PTPN1: variants seen among roughly 807,000 people sequenced by gnomAD.
The protein encoded by PTPN1 is protein tyrosine phosphatase non-receptor type 1, also known as tyrosine-protein phosphatase non-receptor type 1.
Under a neutral mutation model 59.9 loss-of-function variants are expected in PTPN1, and 12 were observed. That is an observed-to-expected ratio of 0.20 (90% CI 0.13 to 0.32). The LOEUF is 0.32. Among genes scored for constraint, PTPN1 ranks in the 10% least tolerant of loss-of-function variants. PTPN1 has a pLI of 1.00. For missense variants in PTPN1, 356 were observed against 549.2 expected (o/e 0.65, Z 3.52); for synonymous variants, 178 against 203.6 (o/e 0.87, Z 1.07).
At chr20:50,527,537 G>A (rs1043153126) in intron 1 of PTPN1, among the ~76,000 whole-genome samples, 24 of 152,134 alleles carry the variant, frequency 1.6e-4, no homozygotes, top group African/African-American at 5.5e-4. Flanking sequence ...TAGAGATGGG[G>A]CTTCACCATG....
At position 50,568,350 on chromosome 20, in the gene PTPN1, G is replaced by A; in HGVS notation, c.256-30G>A. On this transcript the variant is annotated intron_variant, in intron 3 of 9. Coordinates refer to ENST00000371621, the MANE Select transcript of PTPN1 (RefSeq NM_002827.4). This position sits in a 1 kb window ranked among gnomAD's most constrained non-coding sequence, Gnocchi z 5.6. ...CGCTGTAGCATGTTATGTTTCAGATGTCACATGTTGTGTTATTGTGTCTTT... is the reference window on the plus strand; with the variant it reads ...CGCTGTAGCATGTTATGTTTCAGATATCACATGTTGTGTTATTGTGTCTTT... 6.3e-7 allele frequency: 1 copy of A among 1,585,764 alleles called. No individual in the cohort carries two copies. The highest frequency in any genetic ancestry group is 8.7e-7 in the Non-Finnish European group (1 of 1,154,338).
At chr20:50,558,346 A>C (rs1453894456) in intron 1 of PTPN1, among the ~76,000 whole-genome samples, 2 of 152,210 alleles carry the variant, frequency 1.3e-5, no homozygotes, top group African/African-American at 4.8e-5. Context: ...AGTATCTTTT[A>C]CTTAACCCAG....
At chr20:50,546,054 G>A (rs1289684053) in intron 1 of PTPN1, among the ~76,000 whole-genome samples, 4 of 151,976 alleles carry the variant, frequency 2.6e-5, no homozygotes, top group Non-Finnish European at 5.9e-5. Flanking sequence ...AAAGAAAGAA[G>A]AAGAATTAAA....
intron 1 of PTPN1, among the ~76,000 whole-genome samples, chr20:50,546,179 C>T (rs548789829): frequency 6.6e-6 from 1 of 152,212 alleles, no homozygotes; most frequent in Non-Finnish European, 1.5e-5. Flanking sequence ...TGTCTTCCCC[C>T]CTGAAGCGCA....
At chr20:50,574,795 G>C in intron 5 of PTPN1, 141 bp downstream of exon 5, 1 of 1,102,200 alleles carries the variant, frequency 9.1e-7, no homozygotes, top group Non-Finnish European at 1.3e-6. Context: ...GCACTGTGGT[G>C]AGCGGAGCTT....
intron 1 of PTPN1, among the ~76,000 whole-genome samples, chr20:50,549,604 CCT>C (rs2082693346): frequency 1.3e-5 from 2 of 152,092 alleles, no homozygotes; most frequent in South Asian, 4.1e-4. Context: ...CCCCTCAACC[CCT>C]GTCTTTCATT....
At chr20:50,533,745 A>T (rs909134029) in intron 1 of PTPN1, among the ~76,000 whole-genome samples, 1 of 151,650 alleles carries the variant, frequency 6.6e-6, no homozygotes, top group African/African-American at 2.4e-5. Flanking sequence ...TCAGTCGGGC[A>T]TCACTGTAAC....
chr20:50,552,962 A>G (rs1245437398), intron 1 of PTPN1, among the ~76,000 whole-genome samples: 1 of 152,160 alleles, frequency 6.6e-6, no homozygotes, highest in Non-Finnish European at 1.5e-5. Flanking sequence ...CTTATTATAA[A>G]AAAATAATCT....
Position 50,582,392 on chromosome 20 carries a change from G to A in PTPN1, c.1285-300G>A, listed in dbSNP as rs975437194. Among the ~76,000 whole-genome samples the A allele has an allele frequency of 6.6e-6, 1 of 152,268 alleles. No homozygotes were observed. The highest frequency in any genetic ancestry group is 1.5e-5 in the Non-Finnish European group (1 of 68,048). ...GTTGCTGTTAAGTAAGGGGAAGAGAGAGGACTAGCCTCAGAGCTCTGGCCA... is the reference window on the plus strand; with the variant it reads ...GTTGCTGTTAAGTAAGGGGAAGAGAAAGGACTAGCCTCAGAGCTCTGGCCA... On this transcript the variant is annotated intron_variant, in intron 9 of 9. Coordinates refer to ENST00000371621, the MANE Select transcript of PTPN1 (RefSeq NM_002827.4). The surrounding 1 kb of genome is among the most constrained non-coding windows in gnomAD (Gnocchi z 4.2).
chr20:50,521,135 C>T (rs536584943), intron 1 of PTPN1, among the ~76,000 whole-genome samples: 1 of 152,156 alleles, frequency 6.6e-6, no homozygotes, highest in Admixed American at 6.5e-5. Flanking sequence ...TAATAAAATG[C>T]CCTGTGGGGG....
At chr20:50,530,876 T>C (rs1344028292) in intron 1 of PTPN1, among the ~76,000 whole-genome samples, 1 of 152,060 alleles carries the variant, frequency 6.6e-6, no homozygotes, top group Non-Finnish European at 1.5e-5. Context: ...TTTTTATTTT[T>C]TATTTTTTGT....
chr20:50,524,619 C>G (rs6020579), intron 1 of PTPN1, among the ~76,000 whole-genome samples: 2,916 of 127,552 alleles, frequency 0.023, 51 homozygotes, highest in African/African-American at 0.058. Context: ...CTCTGTCACC[C>G]AGGCTGGAGT....
At chr20:50,555,783 A>G (rs1317184376) in intron 1 of PTPN1, among the ~76,000 whole-genome samples, 2 of 151,838 alleles carry the variant, frequency 1.3e-5, no homozygotes, top group Non-Finnish European at 2.9e-5. Context: ...AAAAAAGTAC[A>G]TATGCATAAT....
chr20:50,540,752 A>G (rs955528453), intron 1 of PTPN1, among the ~76,000 whole-genome samples: 2 of 152,194 alleles, frequency 1.3e-5, no homozygotes, highest in Non-Finnish European at 2.9e-5. Flanking sequence ...TCCAGCCTCT[A>G]GGGAGCTAAT....
At chr20:50,560,772 CAAAT>C (rs748396386) in intron 1 of PTPN1, among the ~76,000 whole-genome samples, 4 of 152,020 alleles carry the variant, frequency 2.6e-5, no homozygotes, top group Admixed American at 6.5e-5. Context: ...TAATAAAACA[CAAAT>C]AAAAGATTGT....
intron 1 of PTPN1, among the ~76,000 whole-genome samples, chr20:50,519,305 C>T (rs2082541439): frequency 1.3e-5 from 2 of 152,178 alleles, no homozygotes; most frequent in South Asian, 4.1e-4. Flanking sequence ...TTAATACACT[C>T]AGAGAGAGAA....
intron 1 of PTPN1, among the ~76,000 whole-genome samples, chr20:50,555,026 T>C (rs936679167): frequency 6.6e-6 from 1 of 152,056 alleles, no homozygotes; most frequent in African/African-American, 2.4e-5. Flanking sequence ...TCAGATTAGA[T>C]TGAAAAAGCA....
At position 50,563,464 on chromosome 20, in the gene PTPN1, A is replaced by G. The variant is rs150542681; in HGVS notation, c.155-1505A>G. 4.4e-3 allele frequency among the ~76,000 whole-genome samples: 675 copies of G among 152,298 alleles called. 6 individuals are homozygous for G. Among genetic ancestry groups the G allele is most frequent in the Middle Eastern group, 0.02 (6 of 294 alleles). ...ATGAAAAAACCAAGGCTCTGAGGTGAGTTGTTTGCCCAGAGTCACCCAGTG... is the reference window on the plus strand; with the variant it reads ...ATGAAAAAACCAAGGCTCTGAGGTGGGTTGTTTGCCCAGAGTCACCCAGTG... On this transcript the variant is annotated intron_variant, in intron 2 of 9. Coordinates refer to ENST00000371621, the MANE Select transcript of PTPN1 (RefSeq NM_002827.4).
chr20:50,531,808 C>T (rs1474212526), intron 1 of PTPN1, among the ~76,000 whole-genome samples: 3 of 152,222 alleles, frequency 2.0e-5, no homozygotes, highest in Admixed American at 6.5e-5. Context: ...CATCCACGGC[C>T]ATACTCTTCG....
Sources: gnomAD v4.1 joint callset for allele counts (sites outside exome capture counted in the v4.1 genomes callset) on GRCh38, gnomAD v4.1.1 for gene constraint, Gnocchi (gnomAD v3.1) non-coding constraint, MANE v1.5 for transcripts, NCBI Gene and HGNC (gene_info 2026-07-23, HGNC 2026-07-21) for gene names.